Variants in MAGI3 observed in about 807,000 individuals in gnomAD.
The protein encoded by MAGI3 is membrane-associated guanylate kinase, WW and PDZ domain-containing protein 3.
Under a neutral mutation model 121.8 loss-of-function variants are expected in MAGI3, and 43 were observed. The ratio of observed to expected loss-of-function variants is 0.35; its 90% CI spans 0.28 to 0.46. The LOEUF is 0.46. Ranked by LOEUF, MAGI3 falls within the 20% of genes least tolerant of loss-of-function variation. The probability of loss-of-function intolerance (pLI) is 1.00; values close to 1 mark genes in which losing one functional copy is unlikely to be tolerated. For missense variants in MAGI3, 1,547 were observed against 1,797.3 expected (o/e 0.86, Z 2.52); for synonymous variants, 553 against 639.3 (o/e 0.86, Z 2.04).
intron 4 of MAGI3, among the ~76,000 whole-genome samples, chr1:113,587,350 C>T (rs985967115): frequency 6.6e-6 from 1 of 152,096 alleles, no homozygotes; most frequent in Non-Finnish European, 1.5e-5. Context: ...CATGTGCCAC[C>T]CTGCCCAGAT....
intron 5 of MAGI3, among the ~76,000 whole-genome samples, chr1:113,591,072 T>G (rs1422903261): frequency 6.6e-6 from 1 of 152,100 alleles, no homozygotes; most frequent in Non-Finnish European, 1.5e-5. Context: ...GAGTTTGAGT[T>G]TGATGTGTTC....
chr1:113,683,608 A>C lies in MAGI3; in HGVS notation c.4040A>C (p.Glu1347Ala). The change falls in exon 21 of 21, where the codon GAA becomes GCA. Residue 1347 changes from glutamate to alanine, a missense_variant. By Grantham distance (107) the Glu-to-Ala change is moderately radical. Transcript: ENST00000307546. ...AAAGATGCAAAGCAGAATCAGTTGG[A>C]AAAAAGCAGAACAAGGTCTCCAGAG... ...IRKDAKQNQLEKSRTRSPEKK... is the reference protein window; with the variant it reads ...IRKDAKQNQLAKSRTRSPEKK... The C allele has an allele frequency of 1.2e-6, 2 of 1,613,868 alleles. No individual in the cohort carries two copies. The highest frequency in any genetic ancestry group is 8.5e-7 in the Non-Finnish European group (1 of 1,179,882).
Position 113,641,957 on chromosome 1 carries a change from T to G in MAGI3, c.1407T>G (p.Thr469=), listed in dbSNP as rs142140274. The change falls in exon 10 of 21, where the codon ACT becomes ACG. Residue 469 remains threonine, a synonymous_variant. Coordinates refer to ENST00000307546, the MANE Select transcript of MAGI3 (RefSeq NM_001142782.2). ...ATGGCAACTGTGTCCTCGGTCACACTCATGCAGATGTTGTCCAGATGTTTC... is the reference window on the plus strand; with the variant it reads ...ATGGCAACTGTGTCCTCGGTCACACGCATGCAGATGTTGTCCAGATGTTTC... The part of the protein sequence containing the change: ...DINGNCVLGH[T]HADVVQMFQL... 86 of 1,609,406 alleles carry G rather than the reference T, an allele frequency of 5.3e-5. No individual in the cohort carries two copies. The African/African-American group carries it at 1.1e-3, about 20-fold the overall frequency.
At chr1:113,632,989 G>A (rs1415280444) in intron 9 of MAGI3, among the ~76,000 whole-genome samples, 1 of 150,012 alleles carries the variant, frequency 6.7e-6, no homozygotes, top group Non-Finnish European at 1.5e-5. Context: ...TGACATGCTG[G>A]TGTGCTGCAC....
chr1:113,450,197 A>G, intron 1 of MAGI3: 1 of 1,564,776 alleles, frequency 6.4e-7, no homozygotes, highest in Non-Finnish European at 8.7e-7. Context: ...CAGAAATACC[A>G]CACTATTAAT....
chr1:113,489,605 C>T (rs191006018), intron 1 of MAGI3, among the ~76,000 whole-genome samples: 41 of 152,016 alleles, frequency 2.7e-4, no homozygotes, highest in Middle Eastern at 6.8e-3. Flanking sequence ...TTGAGATACA[C>T]GAGTATGTTG....
intron 16 of MAGI3, 139 bp downstream of exon 16, chr1:113,659,404 C>A: frequency 1.4e-6 from 1 of 729,974 alleles, no homozygotes; most frequent in Non-Finnish European, 2.1e-6. Context: ...TATTCTTCCC[C>A]TTTTCAATTT....
chr1:113,404,176 C>T (rs1174384074), intron 1 of MAGI3: 2 of 152,158 alleles, frequency 1.3e-5, no homozygotes, highest in African/African-American at 2.4e-5. Context: ...GCAGGGAGAG[C>T]ACCTCACCCA....
At chr1:113,631,533 CT>C (rs1158151764) in intron 9 of MAGI3, among the ~76,000 whole-genome samples, 1 of 152,040 alleles carries the variant, frequency 6.6e-6, no homozygotes, top group Non-Finnish European at 1.5e-5. Flanking sequence ...TTTTATATAA[CT>C]TTGAGATAAT....
intron 1 of MAGI3, among the ~76,000 whole-genome samples, chr1:113,488,930 G>A (rs577049725): frequency 6.6e-6 from 1 of 152,026 alleles, no homozygotes; most frequent in African/African-American, 2.4e-5. Context: ...ATGACTGTGC[G>A]CACAGTCACC....
At chr1:113,581,856 G>A (rs1217202) in intron 3 of MAGI3, among the ~76,000 whole-genome samples, 57,837 of 151,868 alleles carry the variant, frequency 0.38, 12,836 homozygotes, top group African/African-American at 0.61. Flanking sequence ...CATTTATTAA[G>A]TACCTACTAT....
chr1:113,437,901 T>C (rs1653700784), intron 1 of MAGI3, among the ~76,000 whole-genome samples: 2 of 4,504 alleles, frequency 4.4e-4, no homozygotes, highest in African/African-American at 6.4e-4. Context: ...TCCTTCTCCT[T>C]CTCCTTCTCC....
chr1:113,672,600 TTC>T lies in MAGI3; in HGVS notation c.2919-7_2919-6del. 6.2e-7 allele frequency: 1 copy of T among 1,605,274 alleles called. No individual in the cohort carries two copies. The highest frequency in any genetic ancestry group is 8.5e-7 in the Non-Finnish European group (1 of 1,177,042). ...TTCTCAGTTCAGAGAGTGACTTGAT[TTC>T]TCTCTCTTGTAGAAGTGCCCTAGAA... On this transcript the variant is annotated splice_polypyrimidine_tract_variant and intron_variant, in intron 17 of 20. Transcript: ENST00000307546.
In MAGI3 at chr1:113,642,515, A is replaced by G. The variant is rs955695074; in HGVS notation, c.1965A>G (p.Gly655=). 1 of 1,605,414 alleles carries G rather than the reference A, an allele frequency of 6.2e-7. No homozygotes were observed. Residue 655 remains glycine (G), a splice_region_variant and synonymous_variant, in exon 10 of 21, where the codon GGA becomes GGG. Coordinates refer to ENST00000307546, the MANE Select transcript of MAGI3 (RefSeq NM_001142782.2). ...ATGTACCATTGCTTATCTTAAGAGGAGGTAAGTAAAAGCACAACATAGAAA... is the reference window on the plus strand; with the variant it reads ...ATGTACCATTGCTTATCTTAAGAGGGGGTAAGTAAAAGCACAACATAGAAA... ...GADVPLLILR[G]GPPSPTKTAK...
At chr1:113,649,413 T>A in intron 13 of MAGI3, 85 bp downstream of exon 13, 1 of 863,228 alleles carries the variant, frequency 1.2e-6, no homozygotes. Flanking sequence ...TGTTTTAAGT[T>A]TTTTTTTCTC....
At chr1:113,493,878 T>C (rs1402679010) in intron 1 of MAGI3, among the ~76,000 whole-genome samples, 1 of 152,022 alleles carries the variant, frequency 6.6e-6, no homozygotes, top group Non-Finnish European at 1.5e-5. Flanking sequence ...CAGATGCTGG[T>C]GAGGTTGGAG....
In MAGI3 at chr1:113,633,238, A is replaced by ATTTTTTTT. The variant is rs71090716; in HGVS notation, c.1361-8639_1361-8632dup. On this transcript the variant is annotated intron_variant, in intron 9 of 20. Coordinates refer to ENST00000307546, the MANE Select transcript of MAGI3 (RefSeq NM_001142782.2). ...TCCCTACAAAGGACATGAACTCATC[A>ATTTTTTTT]TTTTTTTTTTTTTTTTTTTTTTTTT... Among the ~76,000 whole-genome samples, 38 of 56,670 alleles carry ATTTTTTTT rather than the reference A, an allele frequency of 6.7e-4. 14 individuals are homozygous for ATTTTTTTT. The highest frequency in any genetic ancestry group is 2.6e-3 in the East Asian group (4 of 1,546). The allele number at this position is 56,670 out of a possible 152,430, so 37.2% of individuals were successfully genotyped here.
chr1:113,672,003 C>CACCT (rs1340464296), intron 17 of MAGI3, among the ~76,000 whole-genome samples, 167 bp downstream of exon 17: 2 of 152,232 alleles, frequency 1.3e-5, no homozygotes, highest in Non-Finnish European at 2.9e-5. Context: ...CCGTCCCCAT[C>CACCT]ACCTCCACCC....
chr1:113,685,456 G>A lies in MAGI3; in HGVS notation c.*1442G>A, dbSNP rs1248921477. ...GGTCCTTCCCTCTGGGAGTCTGACT[G>A]TGAAACTCTTTAACCCAACAACTCA... is the stretch of plus-strand genomic sequence containing the variant. On this transcript the variant is annotated 3_prime_UTR_variant, in exon 21 of 21. Coordinates refer to ENST00000307546, the MANE Select transcript of MAGI3 (RefSeq NM_001142782.2). 6.6e-6 allele frequency: 1 copy of A among 152,356 alleles called. No homozygotes were observed. Among genetic ancestry groups the A allele is most frequent in the Non-Finnish European group, 1.5e-5 (1 of 68,054 alleles). 9.4% of individuals were successfully genotyped at this position (152,356 alleles called of 1,614,324 possible).
Sources: allele counts gnomAD v4.1 joint callset (sites outside exome capture counted in the v4.1 genomes callset), GRCh38; gene constraint gnomAD v4.1.1; transcripts MANE v1.5; gene names NCBI Gene and HGNC (gene_info 2026-07-23, HGNC 2026-07-21).